Variants in ADAMTS12 observed in about 807,000 individuals in gnomAD.
The protein encoded by ADAMTS12 is A disintegrin and metalloproteinase with thrombospondin motifs 12.
A neutral mutation model predicts 167.8 loss-of-function variants in ADAMTS12; 118 were observed. The ratio of observed to expected loss-of-function variants is 0.70; its 90% CI spans 0.61 to 0.82. The LOEUF (loss-of-function observed/expected upper bound fraction) is 0.82. Among genes scored for constraint, ADAMTS12 ranks in the 40% least tolerant of loss-of-function variants. The pLI, the probability that ADAMTS12 is intolerant of heterozygous loss-of-function variation, is 0.00. For missense variants in ADAMTS12, 1,916 were observed against 1,998.8 expected (o/e 0.96, Z 0.79); for synonymous variants, 704 against 716.9 (o/e 0.98, Z 0.29).
At chr5:33,619,820 G>C (rs1170231687) in intron 14 of ADAMTS12, among the ~76,000 whole-genome samples, 1 of 152,094 alleles carries the variant, frequency 6.6e-6, no homozygotes, top group African/African-American at 2.4e-5. Flanking sequence ...TCAGCCTCCT[G>C]AGTAGCTGGG....
At chr5:33,559,774 G>A (rs1011080425) in intron 20 of ADAMTS12, among the ~76,000 whole-genome samples, 1 of 152,064 alleles carries the variant, frequency 6.6e-6, no homozygotes, top group Non-Finnish European at 1.5e-5. Flanking sequence ...CCAGCTACCC[G>A]GAGGTTAAGG....
At chr5:33,878,227 A>C (rs986669263) in intron 2 of ADAMTS12, among the ~76,000 whole-genome samples, 10 of 152,100 alleles carry the variant, frequency 6.6e-5, no homozygotes, top group Non-Finnish European at 1.5e-4. Context: ...ACTTGAATCC[A>C]GCCAAGTAGT....
intron 9 of ADAMTS12, among the ~76,000 whole-genome samples, chr5:33,647,825 C>T (rs1740732420): frequency 6.6e-6 from 1 of 152,188 alleles, no homozygotes; most frequent in African/African-American, 2.4e-5. Flanking sequence ...TTTGTATCAA[C>T]TTTACCTTCT....
chr5:33,877,861 A>G (rs1384505916), intron 2 of ADAMTS12, among the ~76,000 whole-genome samples: 2 of 152,198 alleles, frequency 1.3e-5, no homozygotes, highest in Admixed American at 1.3e-4. Flanking sequence ...AGACAACTCC[A>G]AGAGCCTCCA....
intron 5 of ADAMTS12, among the ~76,000 whole-genome samples, chr5:33,671,204 A>C (rs951133388): frequency 6.6e-6 from 1 of 152,186 alleles, no homozygotes; most frequent in Non-Finnish European, 1.5e-5. Context: ...GGGTAGCACA[A>C]GGGATGCTTG....
At chr5:33,654,099 A>T (rs968015145) in intron 7 of ADAMTS12, among the ~76,000 whole-genome samples, 3 of 152,100 alleles carry the variant, frequency 2.0e-5, no homozygotes, top group African/African-American at 7.2e-5. Context: ...GTTGAGCCCT[A>T]GTGTTCACTG....
At chr5:33,787,367 T>C (rs919209920) in intron 2 of ADAMTS12, among the ~76,000 whole-genome samples, 1 of 152,254 alleles carries the variant, frequency 6.6e-6, no homozygotes, top group African/African-American at 2.4e-5. Context: ...GCAGGGCCAC[T>C]GTCCACTTTT....
rs571090883 is a variant in ADAMTS12, at chr5:33,735,074, T to C, written c.634+16330A>G. ...TTGAGATAACAATAACTAATATACATTGGGCATTTACCTTAATAAGTTTTA... is the reference window on the plus strand; with the variant it reads ...TTGAGATAACAATAACTAATATACACTGGGCATTTACCTTAATAAGTTTTA... On this transcript the variant is annotated intron_variant, in intron 3 of 23. Coordinates refer to ENST00000504830, the MANE Select transcript of ADAMTS12 (RefSeq NM_030955.4). Among the ~76,000 whole-genome samples, 3 of 152,360 alleles carry C rather than the reference T, an allele frequency of 2.0e-5. No individual in the cohort carries two copies. In the South Asian group the frequency reaches 6.2e-4, roughly 32 times the overall value.
Position 33,549,194 on chromosome 5 carries a change from G to A in ADAMTS12, c.4302+13C>T, listed in dbSNP as rs376987001. The A allele has an allele frequency of 1.7e-5, 27 of 1,610,456 alleles. No homozygotes were observed. The highest frequency in any genetic ancestry group is 2.3e-5 in the Non-Finnish European group (27 of 1,177,284). ...GTTGTGTGAGGACATCTCTCCCTTTGTGGGGGACCTACCTGGCTCCAAGGC... is the reference window on the plus strand; with the variant it reads ...GTTGTGTGAGGACATCTCTCCCTTTATGGGGGACCTACCTGGCTCCAAGGC... On this transcript the variant is annotated intron_variant, in intron 21 of 23. Coordinates refer to ENST00000504830, the MANE Select transcript of ADAMTS12 (RefSeq NM_030955.4).
At chr5:33,563,639 C>T (rs17567498) in intron 19 of ADAMTS12, among the ~76,000 whole-genome samples, 42,767 of 152,068 alleles carry the variant, frequency 0.28, 7,617 homozygotes, top group Non-Finnish European at 0.39. Context: ...CTATTTTACA[C>T]GACCACACAG....
intron 2 of ADAMTS12, among the ~76,000 whole-genome samples, chr5:33,856,364 T>C (rs1196914815): frequency 1.3e-5 from 2 of 152,112 alleles, no homozygotes; most frequent in Non-Finnish European, 2.9e-5. Context: ...CCAAATCCTA[T>C]GGGTAAGGGG....
intron 16 of ADAMTS12, among the ~76,000 whole-genome samples, chr5:33,598,782 C>T (rs140554048): frequency 6.6e-6 from 1 of 152,188 alleles, no homozygotes; most frequent in Non-Finnish European, 1.5e-5. Flanking sequence ...ACAATATTCT[C>T]CCATTCAGCG....
chr5:33,770,746 AG>A (rs1388330559), intron 2 of ADAMTS12, among the ~76,000 whole-genome samples: 1 of 151,896 alleles, frequency 6.6e-6, no homozygotes, highest in Non-Finnish European at 1.5e-5. Flanking sequence ...AAAAATGTTC[AG>A]AGCTCCCAAC....
chr5:33,887,019 C>T (rs2111799828), intron 1 of ADAMTS12, among the ~76,000 whole-genome samples: 1 of 152,064 alleles, frequency 6.6e-6, no homozygotes, highest in South Asian at 2.1e-4. Flanking sequence ...CATGTGTAAC[C>T]TCCAAGCAGA....
chr5:33,853,111 T>C (rs1042721857), intron 2 of ADAMTS12, among the ~76,000 whole-genome samples: 9 of 152,190 alleles, frequency 5.9e-5, no homozygotes, highest in Non-Finnish European at 1.2e-4. Context: ...CTAATTCTTG[T>C]TTTGCCACTG....
intron 2 of ADAMTS12, among the ~76,000 whole-genome samples, chr5:33,856,685 A>G (rs977625064): frequency 5.3e-5 from 8 of 152,184 alleles, no homozygotes; most frequent in African/African-American, 1.9e-4. Flanking sequence ...TGGGAAATGC[A>G]TATCAAAACC....
intron 9 of ADAMTS12, among the ~76,000 whole-genome samples, chr5:33,644,604 T>C (rs1007364227): frequency 2.6e-5 from 4 of 152,156 alleles, no homozygotes; most frequent in African/African-American, 9.7e-5. Flanking sequence ...ATTATCCCTA[T>C]ATAAAAATTC....
chr5:33,568,786 C>A (rs1488626417), intron 19 of ADAMTS12, among the ~76,000 whole-genome samples: 2 of 152,318 alleles, frequency 1.3e-5, no homozygotes, highest in East Asian at 1.9e-4. Context: ...CAAAGCAGGG[C>A]GAGGTATTGC....
chr5:33,563,065 C>T (rs1384804366), intron 19 of ADAMTS12, among the ~76,000 whole-genome samples: 1 of 152,222 alleles, frequency 6.6e-6, no homozygotes, highest in African/African-American at 2.4e-5. Context: ...TTTTCTACTA[C>T]ATCATCTTTT....
Sources: gnomAD v4.1 joint callset for allele counts (sites outside exome capture counted in the v4.1 genomes callset) on GRCh38, gnomAD v4.1.1 for gene constraint, MANE v1.5 for transcripts, NCBI Gene and HGNC (gene_info 2026-07-23, HGNC 2026-07-21) for gene names.